BPIFB4: variants seen among roughly 807,000 people sequenced by gnomAD.
The protein encoded by BPIFB4 is BPI fold containing family B member 4.
Under a neutral mutation model 69.2 loss-of-function variants are expected in BPIFB4, and 62 were observed. The ratio of observed to expected loss-of-function variants is 0.90; its 90% confidence interval spans 0.73 to 1.11. BPIFB4 has a LOEUF of 1.11. Ranked by LOEUF, BPIFB4 falls within the 50% of genes least tolerant of loss-of-function variation. The pLI, the probability that BPIFB4 is intolerant of heterozygous loss-of-function variation, is 0.00. For synonymous variants in BPIFB4, 330 were observed against 332.7 expected (o/e 0.99, Z 0.09); for missense variants, 789 against 792.0 (o/e 1.00, Z 0.04).
chr20:33,088,592 G>A (rs954534769), intron 7 of BPIFB4, among the ~76,000 whole-genome samples: 9 of 152,034 alleles, frequency 5.9e-5, no homozygotes, highest in South Asian at 2.1e-4. Context: ...AAACACGTTC[G>A]TTTTCCCTTT....
chr20:33,108,010 A>C (rs1312352653), intron 17 of BPIFB4, among the ~76,000 whole-genome samples, 190 bp downstream of exon 17: 1 of 151,768 alleles, frequency 6.6e-6, no homozygotes, highest in Non-Finnish European at 1.5e-5. Context: ...CCTTGAAGAC[A>C]CTCTCCCATT....
chr20:33,084,250 A>G (rs866097153), intron 5 of BPIFB4, among the ~76,000 whole-genome samples: 1 of 152,206 alleles, frequency 6.6e-6, no homozygotes, highest in Non-Finnish European at 1.5e-5. Flanking sequence ...CTCATAGTCG[A>G]TGTTTAATTT....
chr20:33,108,701 A>G (rs1465487898), intron 17 of BPIFB4, among the ~76,000 whole-genome samples: 3 of 152,160 alleles, frequency 2.0e-5, no homozygotes, highest in African/African-American at 7.2e-5. Context: ...TGCTTTTAGG[A>G]GAAAATGGGA....
intron 17 of BPIFB4, among the ~76,000 whole-genome samples, chr20:33,108,821 C>G (rs1401418564): frequency 6.6e-6 from 1 of 152,216 alleles, no homozygotes; most frequent in Non-Finnish European, 1.5e-5. Flanking sequence ...GTGAACATCT[C>G]AATGCATAAA....
intron 12 of BPIFB4, among the ~76,000 whole-genome samples, chr20:33,096,608 C>T (rs1259753471): frequency 6.6e-6 from 1 of 152,180 alleles, no homozygotes; most frequent in Non-Finnish European, 1.5e-5. Context: ...CTGATCATTC[C>T]CTCTATCCAC....
At chr20:33,103,945 G>A (rs778506376) in intron 15 of BPIFB4, among the ~76,000 whole-genome samples, 22 of 152,162 alleles carry the variant, frequency 1.4e-4, no homozygotes, top group Admixed American at 5.2e-4. Flanking sequence ...TGGGCCCTAG[G>A]CACTGAATTA....
intron 11 of BPIFB4, 103 bp downstream of exon 11, chr20:33,092,761 C>G: frequency 8.9e-7 from 1 of 1,126,354 alleles, no homozygotes; most frequent in South Asian, 1.4e-5. Context: ...GAAGTGAGAA[C>G]TGCAGATGGT....
Position 33,083,382 on chromosome 20 carries a change from C to T in BPIFB4, c.185C>T (p.Pro62Leu). 1 of 1,613,132 alleles carries T rather than the reference C, an allele frequency of 6.2e-7. No homozygotes were observed. Among genetic ancestry groups the T allele is most frequent in the Non-Finnish European group, 8.5e-7 (1 of 1,179,440 alleles). Residue 62 changes from proline to leucine, a missense_variant, in exon 5 of 18, where the codon CCC becomes CTC. Physicochemically the swap from Pro to Leu is moderately conservative, Grantham distance 98. Coordinates refer to ENST00000375483, the MANE Select transcript of BPIFB4 (RefSeq NM_182519.3). The stretch of plus-strand genomic sequence containing the variant: ...TTCCCCCGAGGTGTTGGTGATATTC[C>T]CTACAATGACTTCCATGTCCGAGGA... ...REVPLGVGDIPYNDFHVRGPP... is the reference protein window; with the variant it reads ...REVPLGVGDILYNDFHVRGPP...
chr20:33,090,092 C>T (rs1408945151), intron 9 of BPIFB4, among the ~76,000 whole-genome samples: 3 of 152,248 alleles, frequency 2.0e-5, no homozygotes, highest in Non-Finnish European at 4.4e-5. Flanking sequence ...CATTTGTGCA[C>T]TGCACCATTC....
chr20:33,092,479 G>A lies in BPIFB4; in HGVS notation c.1165G>A (p.Gly389Arg). The change falls in exon 11 of 18, where the codon GGA becomes AGA. Residue 389 changes from glycine (G) to arginine (R), a missense_variant. Around this residue, in one of 3 missense-constraint regions of BPIFB4, gnomAD observed 611 missense variants for 575.4 expected, o/e 1.06. Coordinates refer to ENST00000375483, the MANE Select transcript of BPIFB4 (RefSeq NM_182519.3). ...DLNTLVGEAG[G>R]GLIDYPLGWP... ...CCAGACGCTGGTTGGGGAGGCTGGAGGAGGACTCATCGACTACCCATTGGG... is the reference window on the plus strand; with the variant it reads ...CCAGACGCTGGTTGGGGAGGCTGGAAGAGGACTCATCGACTACCCATTGGG... 6.2e-7 allele frequency: 1 copy of A among 1,614,006 alleles called. No homozygotes were observed. Among genetic ancestry groups the A allele is most frequent in the Non-Finnish European group, 8.5e-7 (1 of 1,179,948 alleles).
intron 16 of BPIFB4, 84 bp from the exon 17 acceptor site, chr20:33,107,660 A>G (rs1982107860): frequency 9.5e-7 from 1 of 1,048,960 alleles, no homozygotes; most frequent in Non-Finnish European, 1.5e-6. Context: ...GAAATTGCCA[A>G]TCTTCTTACA....
chr20:33,104,535 A>C (rs1981990322), intron 15 of BPIFB4, among the ~76,000 whole-genome samples: 1 of 152,086 alleles, frequency 6.6e-6, no homozygotes, highest in African/African-American at 2.4e-5. Flanking sequence ...CCAGGGGAGG[A>C]ACTAGGCCTC....
At chr20:33,108,488 A>T (rs1982141980) in intron 17 of BPIFB4, among the ~76,000 whole-genome samples, 2 of 146,390 alleles carry the variant, frequency 1.4e-5, no homozygotes, top group Admixed American at 7.1e-5. Flanking sequence ...GCTGCTTTTC[A>T]TTCCAGTCTT....
chr20:33,082,240 G>C (rs2146401128), intron 3 of BPIFB4, among the ~76,000 whole-genome samples: 1 of 152,238 alleles, frequency 6.6e-6, no homozygotes, highest in Non-Finnish European at 1.5e-5. Flanking sequence ...TACCTCACAG[G>C]CCTCAATCTT....
rs761548900 is a variant in BPIFB4, at chr20:33,089,490, C to T, written c.991-8C>T. On this transcript the variant is annotated splice_polypyrimidine_tract_variant and splice_region_variant and intron_variant, in intron 8 of 17. Coordinates refer to ENST00000375483, the MANE Select transcript of BPIFB4 (RefSeq NM_182519.3). ...TCAACAAGGCTTTGTGCCATTTCTC[C>T]CCTGCAGCTCTGCCCCATCGTGGAT... 1.2e-6 allele frequency: 2 copies of T among 1,614,222 alleles called. No homozygotes were observed. Among genetic ancestry groups the T allele is most frequent in the South Asian group, 1.1e-5 (1 of 91,086 alleles).
intron 7 of BPIFB4, 91 bp from the exon 8 acceptor site, chr20:33,088,875 A>G (rs1981512663): frequency 1.9e-6 from 3 of 1,594,630 alleles, no homozygotes; most frequent in Admixed American, 1.7e-5. Flanking sequence ...CTCACTGTTC[A>G]GAGCCTGGAC....
intron 15 of BPIFB4, among the ~76,000 whole-genome samples, chr20:33,103,870 T>G (rs1981973132): frequency 6.6e-6 from 1 of 152,206 alleles, no homozygotes; most frequent in Non-Finnish European, 1.5e-5. Context: ...AACTGAAATC[T>G]CTGGACTCCA....
In BPIFB4 at chr20:33,090,810, G is replaced by A; in HGVS notation, c.1143+11G>A. 6.2e-7 allele frequency: 1 copy of A among 1,614,040 alleles called. No individual in the cohort carries two copies. The highest frequency in any genetic ancestry group is 2.2e-5 in the East Asian group (1 of 44,878). On this transcript the variant is annotated intron_variant, in intron 10 of 17. Coordinates refer to ENST00000375483, the MANE Select transcript of BPIFB4 (RefSeq NM_182519.3). ...GAGCTGGACCTCAACGTGAGTGCCT[G>A]GGGTTCAGGGCAAAGGGTGGTGGCC...
chr20:33,102,977 G>A lies in BPIFB4; in HGVS notation c.1643G>A (p.Ser548Asn). 6.2e-7 allele frequency: 1 copy of A among 1,614,124 alleles called. No individual in the cohort carries two copies. Among genetic ancestry groups the A allele is most frequent in the Non-Finnish European group, 8.5e-7 (1 of 1,179,982 alleles). ...LMIDAKLEKT[S>N]LNLRTSNVGN... Reference sequence around the variant, plus strand: ...GCTGTTTTCTTCGTCTACAGGACCAGCCTCAACCTCAGAACCTCAAACGTG... The same window carrying A: ...GCTGTTTTCTTCGTCTACAGGACCAACCTCAACCTCAGAACCTCAAACGTG... Residue 548 changes from serine to asparagine, a missense_variant, in exon 15 of 18, where the codon AGC becomes AAC. Physicochemically the swap from Ser to Asn is conservative, Grantham distance 46. Transcript: ENST00000375483.
Sources: allele counts gnomAD v4.1 joint callset (sites outside exome capture counted in the v4.1 genomes callset), GRCh38; gene constraint gnomAD v4.1.1; regional missense constraint gnomAD v4.1.1; transcripts MANE v1.5; gene names NCBI Gene and HGNC (gene_info 2026-07-23, HGNC 2026-07-21).